Variants in ANXA3 observed in about 807,000 individuals in gnomAD.
The protein encoded by ANXA3 is annexin A3, also known as 35-alpha calcimedin.
A neutral mutation model predicts 48.8 loss-of-function variants in ANXA3; 46 were observed. The ratio of observed to expected loss-of-function variants is 0.94; its 90% CI spans 0.74 to 1.21. The LOEUF is 1.21. Ranked by LOEUF, ANXA3 falls within the 50% of genes most tolerant of loss-of-function variation. The probability of loss-of-function intolerance (pLI) is 0.00; values close to 1 mark genes in which losing one functional copy is unlikely to be tolerated. For synonymous variants in ANXA3, 128 were observed against 134.7 expected, an observed-to-expected ratio of 0.95 and a Z score of 0.35; for missense variants, 383 against 378.6, an observed-to-expected ratio of 1.01 and a Z score of -0.10.
chr4:78,604,626 C>T (rs1249216385), intron 12 of ANXA3, among the ~76,000 whole-genome samples: 1 of 152,112 alleles, frequency 6.6e-6, no homozygotes, highest in Non-Finnish European at 1.5e-5. Flanking sequence ...GGTGTACTAG[C>T]CACTAATTTT....
chr4:78,567,863 T>C lies in ANXA3; in HGVS notation c.16-5317T>C, dbSNP rs533052355. ...TTTAGGCAAATGGAGGAAAGATATC[T>C]CTTGAGTATCTGTTTCTTCTTGTCT... On this transcript the variant is annotated intron_variant, in intron 2 of 12. Transcript: ENST00000264908. 2.0e-5 allele frequency among the ~76,000 whole-genome samples: 3 copies of C among 152,356 alleles called. No individual in the cohort carries two copies. The South Asian group carries it at 6.2e-4, about 32-fold the overall frequency.
rs772690677 is a variant in ANXA3 at position 78,586,352 on chromosome 4, T to A, written c.403+2T>A. 4.4e-6 allele frequency: 7 copies of A among 1,607,316 alleles called. No individual in the cohort carries two copies. The highest frequency in any genetic ancestry group is 6.0e-6 in the Non-Finnish European group (7 of 1,175,646). ...ATATCTCTCAAGCCTATTATACAGG[T>A]GTCTTATTTTCTGCTTACCTTCACC... On this transcript the variant is annotated splice_donor_variant, in intron 6 of 12. Transcript: ENST00000264908. LOFTEE classifies it high-confidence loss of function.
chr4:78,610,211 C>A lies in ANXA3; in HGVS notation c.*96C>A. 2.6e-6 allele frequency: 2 copies of A among 773,990 alleles called. No individual in the cohort carries two copies. The highest frequency in any genetic ancestry group is 4.1e-6 in the Non-Finnish European group (2 of 485,198). 47.9% of individuals were successfully genotyped at this position (773,990 alleles called of 1,614,324 possible). On this transcript the variant is annotated 3_prime_UTR_variant, in exon 13 of 13. Transcript: ENST00000264908. ...ATTTAAGAGAACAAGCAAATATAAA[C>A]AGCAACTTGTGTTCCTAACAGGAAT...
At chr4:78,574,022 G>A (rs930741777) in intron 3 of ANXA3, among the ~76,000 whole-genome samples, 13 of 152,112 alleles carry the variant, frequency 8.5e-5, no homozygotes, top group African/African-American at 3.1e-4. Flanking sequence ...ACTGCTGCCT[G>A]GAATTTTCTG....
intron 3 of ANXA3, among the ~76,000 whole-genome samples, chr4:78,574,677 T>C (rs1264054911): frequency 6.6e-6 from 1 of 152,236 alleles, no homozygotes; most frequent in African/African-American, 2.4e-5. Context: ...GATTTATCCA[T>C]GTTGATATGG....
Position 78,551,823 on chromosome 4 carries a change from G to GTTTGCTCGCAGTTTGTTCGCAT in ANXA3, c.-72_-71insGCTCGCAGTTTGTTCGCATTTT, listed in dbSNP as rs1722390185. On this transcript the variant is annotated 5_prime_UTR_variant, in exon 1 of 13. Transcript: ENST00000264908. Reference sequence around the variant, plus strand: ...CACCTTCGCTCGCAGTTTGTTCGCAGTTTACTCGCACACCAGTTTCCCCCA... The same window carrying GTTTGCTCGCAGTTTGTTCGCAT: ...CACCTTCGCTCGCAGTTTGTTCGCAGTTTGCTCGCAGTTTGTTCGCATTTTACTCGCACACCAGTTTCCCCCA... 6.6e-6 allele frequency: 1 copy of GTTTGCTCGCAGTTTGTTCGCAT among 152,308 alleles called. No individual in the cohort carries two copies. Among genetic ancestry groups the GTTTGCTCGCAGTTTGTTCGCAT allele is most frequent in the Admixed American group, 6.5e-5 (1 of 15,292 alleles). The allele number at this position is 152,308 out of a possible 1,614,324, so 9.4% of individuals were successfully genotyped here. A position where few individuals can be genotyped will look rare whatever the true frequency, so the allele number is the denominator to read the frequency against.
At position 78,604,259 on chromosome 4, in the gene ANXA3, A is replaced by C. The variant is rs765634047; in HGVS notation, c.790-18A>C. ...GACCAATGACATTTGTGTTGTGAACACCTGCATTCCTTAACAGGGTATTGG... is the reference window on the plus strand; with the variant it reads ...GACCAATGACATTTGTGTTGTGAACCCCTGCATTCCTTAACAGGGTATTGG... On this transcript the variant is annotated intron_variant, in intron 11 of 12. Transcript: ENST00000264908. 1 of 1,589,818 alleles carries C rather than the reference A, an allele frequency of 6.3e-7. No homozygotes were observed. The highest frequency in any genetic ancestry group is 8.6e-7 in the Non-Finnish European group (1 of 1,163,280).
chr4:78,595,648 C>T, intron 8 of ANXA3, 146 bp from the exon 9 acceptor site: 1 of 748,414 alleles, frequency 1.3e-6, no homozygotes, highest in South Asian at 1.8e-5. Flanking sequence ...TCCTGACAGC[C>T]CAATTTTTGA....
Position 78,601,582 on chromosome 4 carries a change from G to T in ANXA3, c.789+14G>T. 3.7e-6 allele frequency: 6 copies of T among 1,612,538 alleles called. No homozygotes were observed. The East Asian group carries it at 6.7e-5, about 18-fold the overall frequency. ...CGAGCCTTGAAGGTTGGTCTGGAAA[G>T]TTCATGTGCATTCTTAGCGTCCCTT... On this transcript the variant is annotated intron_variant, in intron 11 of 12. Transcript: ENST00000264908.
chr4:78,552,881 G>T (rs1485678539), intron 1 of ANXA3, among the ~76,000 whole-genome samples: 1 of 152,200 alleles, frequency 6.6e-6, no homozygotes, highest in Non-Finnish European at 1.5e-5. Context: ...CTTGTTCCCA[G>T]AACTCTGTGG....
At chr4:78,591,211 A>G (rs1254758190) in intron 6 of ANXA3, among the ~76,000 whole-genome samples, 1 of 152,230 alleles carries the variant, frequency 6.6e-6, no homozygotes, top group African/African-American at 2.4e-5. Context: ...GAAGATGGCC[A>G]GAATGGAAAT....
intron 6 of ANXA3, among the ~76,000 whole-genome samples, chr4:78,590,762 T>A (rs546886047): frequency 6.9e-6 from 1 of 145,482 alleles, no homozygotes; most frequent in East Asian, 1.9e-4. Flanking sequence ...AAAAATATGG[T>A]TTAATTATAT....
intron 4 of ANXA3, 100 bp from the exon 5 acceptor site, chr4:78,582,077 T>G: frequency 1.5e-6 from 1 of 688,828 alleles, no homozygotes; most frequent in Non-Finnish European, 2.6e-6. Context: ...ATGGACATGT[T>G]TTGTCTGATT....
At chr4:78,585,342 A>G (rs1723150109) in intron 5 of ANXA3, among the ~76,000 whole-genome samples, 1 of 152,190 alleles carries the variant, frequency 6.6e-6, no homozygotes, top group Admixed American at 6.5e-5. Flanking sequence ...TCTTTAACTC[A>G]TGGTTTTCAC....
intron 9 of ANXA3, 160 bp from the exon 10 acceptor site, chr4:78,597,159 C>T: frequency 3.6e-6 from 2 of 562,386 alleles, no homozygotes; most frequent in Non-Finnish European, 6.2e-6. Flanking sequence ...TAAAAAGGAA[C>T]AAAAGAAAAA....
In ANXA3 at chr4:78,610,377, G is replaced by A. The variant is rs1349540068; in HGVS notation, c.*262G>A. On this transcript the variant is annotated 3_prime_UTR_variant, in exon 13 of 13. Coordinates refer to ENST00000264908, the MANE Select transcript of ANXA3 (RefSeq NM_005139.3). ...TCCAACTTATATTTCTGCTTTCAAA[G>A]TTAAGAATCTTTATAGTTCTACTCC... 3.6e-6 allele frequency: 1 copy of A among 278,118 alleles called. No individual in the cohort carries two copies. The highest frequency in any genetic ancestry group is 6.7e-6 in the Non-Finnish European group (1 of 149,424). 17.2% of individuals were successfully genotyped at this position (278,118 alleles called of 1,614,324 possible).
At chr4:78,589,574 A>G (rs113920866) in intron 6 of ANXA3, among the ~76,000 whole-genome samples, 4 of 152,304 alleles carry the variant, frequency 2.6e-5, no homozygotes, top group African/African-American at 9.6e-5. Flanking sequence ...CCAGCAAGTA[A>G]CATCCCCTCC....
chr4:78,582,209 T>C lies in ANXA3; in HGVS notation c.231T>C (p.Ser77=). ...AAGATGACTTGAAGGGTGATCTCTC[T>C]GGCCACTTTGAGCATCTCATGGTGG... is the stretch of plus-strand genomic sequence containing the variant. The part of the protein sequence containing the change: ...ELKDDLKGDL[S]GHFEHLMVAL... Residue 77 remains serine (S), a synonymous_variant, in exon 5 of 13, where the codon TCT becomes TCC. Transcript: ENST00000264908. 6.2e-7 allele frequency: 1 copy of C among 1,613,560 alleles called. No homozygotes were observed. Among genetic ancestry groups the C allele is most frequent in the Admixed American group, 1.7e-5 (1 of 60,010 alleles).
At chr4:78,599,747 TATTA>T (rs891892873) in intron 10 of ANXA3, among the ~76,000 whole-genome samples, 1 of 151,998 alleles carries the variant, frequency 6.6e-6, no homozygotes, top group African/African-American at 2.4e-5. Flanking sequence ...TTAATCTATA[TATTA>T]AAGATTCTAC....
Sources: gnomAD v4.1 joint callset for allele counts (sites outside exome capture counted in the v4.1 genomes callset) on GRCh38, gnomAD v4.1.1 for gene constraint, MANE v1.5 for transcripts, NCBI Gene and HGNC (gene_info 2026-07-23, HGNC 2026-07-21) for gene names.